CENPN: variants seen among roughly 807,000 people sequenced by gnomAD.
CENPN encodes centromere protein N, also known as interphase centromere complex protein 32.
Under a neutral mutation model 48.6 loss-of-function variants are expected in CENPN, and 36 were observed. That is an observed-to-expected ratio of 0.74 (90% CI 0.57 to 0.98). The LOEUF (loss-of-function observed/expected upper bound fraction) is 0.98, where lower values mean the gene tolerates loss of function less well. Among genes scored for constraint, CENPN ranks in the 50% least tolerant of loss-of-function variants. The probability of loss-of-function intolerance (pLI) is 0.00; values close to 1 mark genes in which losing one functional copy is unlikely to be tolerated. For missense variants in CENPN, 439 were observed against 399.2 expected, an observed-to-expected ratio of 1.10 and a Z score of -0.85; for synonymous variants, 166 against 135.2, an observed-to-expected ratio of 1.23 and a Z score of -1.58.
At position 81,028,077 on chromosome 16, in the gene CENPN, GAATT is replaced by G. The variant is rs1489492258; in HGVS notation, c.811-90_811-87del. On this transcript the variant is annotated intron_variant, in intron 9 of 10. Transcript: ENST00000305850. ...TAATTCCTGTATTTCTTAATGGCAAGAATTAATGAAACGTATCATTATGATTTCA... is the reference window on the plus strand; with the variant it reads ...TAATTCCTGTATTTCTTAATGGCAAGAATGAAACGTATCATTATGATTTCA... 2.8e-6 allele frequency: 3 copies of G among 1,053,040 alleles called. No individual in the cohort carries two copies. In the Admixed American group the frequency reaches 6.4e-5, roughly 22 times the overall value. The allele number at this position is 1,053,040 out of a possible 1,614,324, so 65.2% of individuals were successfully genotyped here.
intron 1 of CENPN, among the ~76,000 whole-genome samples, chr16:81,011,396 C>G (rs892153475): frequency 6.6e-6 from 1 of 152,190 alleles, no homozygotes; most frequent in African/African-American, 2.4e-5. Flanking sequence ...ATGTGCCATA[C>G]TGGAACAGAT....
chr16:81,018,872 G>A (rs1970046952), intron 5 of CENPN, among the ~76,000 whole-genome samples: 1 of 152,190 alleles, frequency 6.6e-6, no homozygotes, highest in African/African-American at 2.4e-5. Flanking sequence ...ACAGAGACGT[G>A]GGCAAGCTGA....
At chr16:81,023,721 G>T (rs1345237160) in intron 7 of CENPN, 2 of 152,022 alleles carry the variant, frequency 1.3e-5, no homozygotes, top group African/African-American at 4.8e-5. Flanking sequence ...CAAATCCCTT[G>T]AGCCCAGGAG....
At chr16:81,012,729 G>A (rs1025507661) in intron 2 of CENPN, among the ~76,000 whole-genome samples, 1 of 152,182 alleles carries the variant, frequency 6.6e-6, no homozygotes, top group Non-Finnish European at 1.5e-5. Context: ...CTGAGTAGCT[G>A]CGACTACAGG....
rs149007234 is a variant in CENPN, at chr16:81,030,649, T to C, written c.*1998T>C. On this transcript the variant is annotated 3_prime_UTR_variant, in exon 11 of 11. Transcript: ENST00000305850. ...CTGTAATCCCAGCTATTCGAGAGGC[T>C]GAGGCAGGAGAACTGGTTGAACCGG... 3,564 of 152,830 alleles carry C rather than the reference T, an allele frequency of 0.023. 47 individuals are homozygous for C. Among genetic ancestry groups the C allele is most frequent in the Middle Eastern group, 0.057 (17 of 298 alleles). The allele number at this position is 152,830 out of a possible 1,614,324, so 9.5% of individuals were successfully genotyped here.
intron 9 of CENPN, among the ~76,000 whole-genome samples, chr16:81,026,916 G>T (rs1174789333): frequency 6.6e-6 from 1 of 151,872 alleles, no homozygotes; most frequent in Non-Finnish European, 1.5e-5. Flanking sequence ...TCAGCCTCCC[G>T]AGTAGCTGGG....
chr16:81,007,316 G>A (rs1969457161), intron 1 of CENPN, 39 bp downstream of exon 1: 1 of 152,592 alleles, frequency 6.6e-6, no homozygotes, highest in South Asian at 2.1e-4. Flanking sequence ...GGGCCCCGGA[G>A]GGTGTGGGGC....
chr16:81,008,939 G>GCTCA (rs1438756157), intron 1 of CENPN, among the ~76,000 whole-genome samples: 2 of 152,356 alleles, frequency 1.3e-5, no homozygotes, highest in African/African-American at 4.8e-5. Context: ...TGGTGCAGAG[G>GCTCA]CTCACGCCTG....
At chr16:81,021,227 C>T (rs909577444) in intron 6 of CENPN, among the ~76,000 whole-genome samples, 4 of 152,138 alleles carry the variant, frequency 2.6e-5, no homozygotes, top group Non-Finnish European at 4.4e-5. Context: ...ACATTCCATA[C>T]ACAAGGAGAC....
chr16:81,014,922 G>T (rs1271692857), intron 3 of CENPN, among the ~76,000 whole-genome samples: 1 of 152,132 alleles, frequency 6.6e-6, no homozygotes, highest in East Asian at 1.9e-4. Flanking sequence ...GTTACATGAG[G>T]TATGCAACAG....
chr16:81,011,284 C>T (rs1206190705), intron 1 of CENPN, among the ~76,000 whole-genome samples: 1 of 152,208 alleles, frequency 6.6e-6, no homozygotes, highest in Non-Finnish European at 1.5e-5. Context: ...AGCACTCCCA[C>T]GCTCAACTCA....
intron 6 of CENPN, 56 bp downstream of exon 6, chr16:81,020,332 A>G (rs1970125331): frequency 1.4e-5 from 21 of 1,510,982 alleles, no homozygotes; most frequent in African/African-American, 4.2e-5. Flanking sequence ...TCAAAGGTCT[A>G]TATAGATTTT....
Position 81,026,644 on chromosome 16 carries a change from A to T in CENPN, c.810+6A>T, listed in dbSNP as rs765877559. On this transcript the variant is annotated splice_donor_region_variant and intron_variant, in intron 9 of 10. Transcript: ENST00000305850. ...TAGAATTTGCACAATATAAGGTAAG[A>T]TGTCGTAATAAATATTAAGTACAAG... 4 of 1,394,316 alleles carry T rather than the reference A, an allele frequency of 2.9e-6. No individual in the cohort carries two copies. Among genetic ancestry groups the T allele is most frequent in the Non-Finnish European group, 4.0e-6 (4 of 991,744 alleles). 86.4% of individuals were successfully genotyped at this position (1,394,316 alleles called of 1,614,324 possible).
At chr16:81,019,027 T>G (rs1372656731) in intron 5 of CENPN, among the ~76,000 whole-genome samples, 1 of 152,218 alleles carries the variant, frequency 6.6e-6, no homozygotes, top group Non-Finnish European at 1.5e-5. Context: ...GCCTGTATTT[T>G]ATCCATGAAG....
downstream of CENPN, among the ~76,000 whole-genome samples, chr16:81,031,764 A>G (rs1245197374): frequency 1.3e-5 from 2 of 152,038 alleles, no homozygotes; most frequent in Non-Finnish European, 2.9e-5. Flanking sequence ...CACCATGCCC[A>G]GCTAATTTTT....
downstream of CENPN, chr16:81,032,785 G>T: frequency 6.0e-6 from 8 of 1,329,726 alleles, no homozygotes; most frequent in Admixed American, 6.8e-5. Context: ...ACTAATGCAG[G>T]CCTCCTTGTT....
intron 6 of CENPN, among the ~76,000 whole-genome samples, chr16:81,021,146 C>T (rs1277772086): frequency 6.6e-6 from 1 of 151,506 alleles, no homozygotes; most frequent in East Asian, 1.9e-4. Context: ...ATGAATATAC[C>T]TCATTACTTT....
intron 1 of CENPN, among the ~76,000 whole-genome samples, chr16:81,009,163 G>A (rs1016185289): frequency 6.6e-6 from 1 of 152,186 alleles, no homozygotes; most frequent in Admixed American, 6.5e-5. Flanking sequence ...GCTGCAGTGA[G>A]CAGAAATCCC....
chr16:81,017,148 C>A, intron 3 of CENPN, 178 bp from the exon 4 acceptor site: 1 of 426,106 alleles, frequency 2.3e-6, no homozygotes, highest in Non-Finnish European at 3.9e-6. Flanking sequence ...TTATGATTTG[C>A]TTTATTTATA....
Sources: allele counts gnomAD v4.1 joint callset (sites outside exome capture counted in the v4.1 genomes callset), GRCh38; gene constraint gnomAD v4.1.1; transcripts MANE v1.5; gene names NCBI Gene and HGNC (gene_info 2026-07-23, HGNC 2026-07-21).